Variants in MBNL1 observed in about 807,000 individuals in gnomAD.
MBNL1 encodes the protein muscleblind like splicing regulator 1, also known as muscleblind-like protein 1.
Under a neutral mutation model 42.2 loss-of-function variants are expected in MBNL1, and 8 were observed. That is an observed-to-expected ratio of 0.19 (90% CI 0.11 to 0.34). MBNL1 has a LOEUF of 0.34. Ranked by LOEUF, MBNL1 falls within the 10% of genes least tolerant of loss-of-function variation. The probability of loss-of-function intolerance (pLI) is 1.00; values close to 1 mark genes in which losing one functional copy is unlikely to be tolerated. For synonymous variants in MBNL1, 169 were observed against 173.9 expected, an observed-to-expected ratio of 0.97 and a Z score of 0.22; for missense variants, 309 against 495.3, an observed-to-expected ratio of 0.62 and a Z score of 3.57.
At chr3:152,442,637 A>G (rs1411126154) in intron 4 of MBNL1, among the ~76,000 whole-genome samples, 2 of 152,006 alleles carry the variant, frequency 1.3e-5, no homozygotes, top group Non-Finnish European at 1.5e-5. Flanking sequence ...GGGTATCAGC[A>G]TAGTCTAAAG....
At chr3:152,440,640 C>T (rs2099134404) in intron 4 of MBNL1, among the ~76,000 whole-genome samples, 1 of 152,270 alleles carries the variant, frequency 6.6e-6, no homozygotes, top group Middle Eastern at 3.4e-3. Flanking sequence ...AACTAGAAAT[C>T]ACATCATCCG....
At chr3:152,311,440 C>T (rs563579027) in intron 2 of MBNL1, among the ~76,000 whole-genome samples, 32 of 152,140 alleles carry the variant, frequency 2.1e-4, no homozygotes, top group Admixed American at 5.9e-4. Context: ...ACAAGTTGTA[C>T]TATATTAAGT....
At chr3:152,346,359 CG>C (rs2094236515) in intron 2 of MBNL1, among the ~76,000 whole-genome samples, 1 of 152,090 alleles carries the variant, frequency 6.6e-6, no homozygotes. Context: ...TTTAAATCAT[CG>C]TTTATTTATA....
intron 2 of MBNL1, among the ~76,000 whole-genome samples, chr3:152,260,519 T>C (rs1226409126): frequency 1.3e-5 from 2 of 152,252 alleles, no homozygotes; most frequent in East Asian, 3.8e-4. Flanking sequence ...ATAGCTTTTG[T>C]TGAATACACA....
chr3:152,362,569 A>T (rs1342654868), intron 2 of MBNL1, among the ~76,000 whole-genome samples: 1 of 152,122 alleles, frequency 6.6e-6, no homozygotes, highest in Non-Finnish European at 1.5e-5. Flanking sequence ...CACTATTGTC[A>T]TCTTGGACCC....
chr3:152,403,919 C>T (rs549292717), intron 2 of MBNL1, among the ~76,000 whole-genome samples: 22 of 152,244 alleles, frequency 1.4e-4, no homozygotes, highest in Non-Finnish European at 2.9e-4. Context: ...TCCATGGGGA[C>T]AGAGCCAGTG....
At chr3:152,350,568 G>A (rs868104037) in intron 2 of MBNL1, among the ~76,000 whole-genome samples, 6 of 152,118 alleles carry the variant, frequency 3.9e-5, no homozygotes, top group South Asian at 4.1e-4. Context: ...GCAGCCGTCA[G>A]TGGAGAGTGA....
intron 2 of MBNL1, among the ~76,000 whole-genome samples, chr3:152,348,734 T>C (rs998814925): frequency 2.0e-5 from 3 of 152,074 alleles, no homozygotes; most frequent in African/African-American, 7.2e-5. Context: ...ATTTAGTGTG[T>C]TTTCTAGCCC....
intron 2 of MBNL1, among the ~76,000 whole-genome samples, chr3:152,404,076 G>A (rs2098343598): frequency 6.6e-6 from 1 of 152,170 alleles, no homozygotes; most frequent in Non-Finnish European, 1.5e-5. Flanking sequence ...CTGGACTTGA[G>A]GCAGAATTTG....
chr3:152,269,729 C>T (rs60360711), intron 1 of MBNL1: 4 of 192,142 alleles, frequency 2.1e-5, no homozygotes, highest in Middle Eastern at 6.7e-4. Context: ...TCTTCTTCTT[C>T]TTTTTTTTTT....
intron 4 of MBNL1, among the ~76,000 whole-genome samples, chr3:152,437,920 T>C (rs371280572): frequency 4.6e-5 from 7 of 152,058 alleles, no homozygotes; most frequent in African/African-American, 1.7e-4. Flanking sequence ...ATTACAGATG[T>C]GTGCCACCAT....
At chr3:152,268,447 G>A (rs953288359), upstream of MBNL1, 3 of 293,384 alleles carry the variant, frequency 1.0e-5, no homozygotes, top group South Asian at 2.7e-5. Flanking sequence ...AGTCTAATTG[G>A]CTTCTAACCT....
chr3:152,402,714 T>C (rs1431635090), intron 2 of MBNL1, among the ~76,000 whole-genome samples: 1 of 152,060 alleles, frequency 6.6e-6, no homozygotes. Context: ...AAAAATATAT[T>C]TGAATGAAGA....
chr3:152,244,176 T>C (rs1330710638), intron 1 of MBNL1: 1 of 152,222 alleles, frequency 6.6e-6, no homozygotes, highest in African/African-American at 2.4e-5. Context: ...ACTTTAATTA[T>C]ATATGTGTAC....
intron 2 of MBNL1, chr3:152,335,174 G>A: frequency 7.8e-7 from 1 of 1,289,716 alleles, no homozygotes; most frequent in Non-Finnish European, 1.0e-6. Flanking sequence ...ACCATGGCAA[G>A]AAGAAGCTGT....
At chr3:152,370,772 G>T (rs1412269214) in intron 2 of MBNL1, among the ~76,000 whole-genome samples, 1 of 151,010 alleles carries the variant, frequency 6.6e-6, no homozygotes, top group Non-Finnish European at 1.5e-5. Context: ...TGTCTTTTTT[G>T]ATCTTGGTTG....
chr3:152,325,087 G>A (rs868086673), intron 2 of MBNL1, among the ~76,000 whole-genome samples: 3 of 15,364 alleles, frequency 2.0e-4, no homozygotes, highest in African/African-American at 4.7e-4. Flanking sequence ...CCACATACCC[G>A]CCCCCCCCCG....
chr3:152,373,611 C>A (rs902666873), intron 2 of MBNL1, among the ~76,000 whole-genome samples: 11 of 152,156 alleles, frequency 7.2e-5, no homozygotes, highest in Admixed American at 1.3e-4. Context: ...TGCACCCCCC[C>A]TGCTTTGGCT....
rs1283309501 is a variant in MBNL1, at chr3:152,445,567, G to C, written c.807+28G>C. 3.8e-6 allele frequency: 6 copies of C among 1,575,800 alleles called. No individual in the cohort carries two copies. In the South Asian group the frequency reaches 6.8e-5, roughly 18 times the overall value. ...GAGTAGAGATATCAGCTCTCTCCTT[G>C]TTAGCAGTCAGAAAAGCAAAGTGAG... On this transcript the variant is annotated intron_variant, in intron 5 of 9. Coordinates refer to ENST00000324210, the MANE Select transcript of MBNL1 (RefSeq NM_021038.5).
Sources: gnomAD v4.1 joint callset for allele counts (sites outside exome capture counted in the v4.1 genomes callset) on GRCh38, gnomAD v4.1.1 for gene constraint, MANE v1.5 for transcripts, NCBI Gene and HGNC (gene_info 2026-07-23, HGNC 2026-07-21) for gene names.